The following TMEM132C variants were observed in gnomAD, a reference collection of about 807,000 sequenced individuals.
The protein encoded by TMEM132C is protein phosphatase 1, regulatory subunit 152.
Under a neutral mutation model 61.4 loss-of-function variants are expected in TMEM132C, and 29 were observed. That is an observed-to-expected ratio of 0.47 (90% CI 0.35 to 0.64). The LOEUF is 0.64. Ranked by LOEUF, TMEM132C falls within the 30% of genes least tolerant of loss-of-function variation. TMEM132C has a pLI of 0.00. For synonymous variants in TMEM132C, 656 were observed against 633.1 expected (o/e 1.04, Z -0.54); for missense variants, 1,408 against 1,476.9 (o/e 0.95, Z 0.76).
chr12:128,323,468 T>C (rs1299955460), intron 1 of TMEM132C, among the ~76,000 whole-genome samples: 1 of 152,254 alleles, frequency 6.6e-6, no homozygotes, highest in Non-Finnish European at 1.5e-5. Flanking sequence ...TCGTCTTCTC[T>C]TCATAGCCTT....
Position 128,623,617 on chromosome 12 carries a change from G to C in TMEM132C, c.1305+7282G>C, listed in dbSNP as rs11059796. On this transcript the variant is annotated intron_variant, in intron 4 of 8. Coordinates refer to ENST00000435159, the MANE Select transcript of TMEM132C (RefSeq NM_001136103.3). ...AGCTCAGGAGTTCGAAACCAGCCTG[G>C]GCAACATGGTGAAACCCCATCTCTA... 6.7e-3 allele frequency among the ~76,000 whole-genome samples: 1,025 copies of C among 151,878 alleles called. 14 individuals are homozygous for C. Among genetic ancestry groups the C allele is most frequent in the African/African-American group, 0.024 (976 of 41,390 alleles).
rs1478437634 is a variant in TMEM132C, at chr12:128,622,390, T to A, written c.1305+6055T>A. On this transcript the variant is annotated intron_variant, in intron 4 of 8. Coordinates refer to ENST00000435159, the MANE Select transcript of TMEM132C (RefSeq NM_001136103.3). ...ATATATATATATATATATATATATA[T>A]ATATATATATAACCAGGAAACATTC... 3.1e-3 allele frequency among the ~76,000 whole-genome samples: 347 copies of A among 112,168 alleles called. 9 individuals are homozygous for A. The highest frequency in any genetic ancestry group is 5.2e-3 in the Non-Finnish European group (295 of 56,194). 73.6% of individuals were successfully genotyped at this position (112,168 alleles called of 152,430 possible).
In TMEM132C at chr12:128,707,190, T is replaced by G. The variant is rs995911859; in HGVS notation, c.*895T>G. ...AGGGCAAAGCCAGCAGGTGTGGCCC[T>G]GTGAGGGGCTGTACAGACGGGATGT... On this transcript the variant is annotated 3_prime_UTR_variant, in exon 9 of 9. Coordinates refer to ENST00000435159, the MANE Select transcript of TMEM132C (RefSeq NM_001136103.3). 3.3e-5 allele frequency: 5 copies of G among 152,122 alleles called. No individual in the cohort carries two copies. Among genetic ancestry groups the G allele is most frequent in the Non-Finnish European group, 7.3e-5 (5 of 68,040 alleles). The allele number at this position is 152,122 out of a possible 1,614,324, so 9.4% of individuals were successfully genotyped here. A position where few individuals can be genotyped will look rare whatever the true frequency, so the allele number is the denominator to read the frequency against.
Position 128,490,014 on chromosome 12 carries a change from A to T in TMEM132C, c.975-53943A>T, listed in dbSNP as rs145374559. Among the ~76,000 whole-genome samples, 15 of 152,332 alleles carry T rather than the reference A, an allele frequency of 9.8e-5. No individual in the cohort carries two copies. The East Asian group carries it at 2.9e-3, about 29-fold the overall frequency. ...CTGAGAAGCCACAGGCTTAGAGTCT[A>T]GGCTGGACATTCACATTTCAGCCGT... is the stretch of plus-strand genomic sequence containing the variant. On this transcript the variant is annotated intron_variant, in intron 2 of 8. Coordinates refer to ENST00000435159, the MANE Select transcript of TMEM132C (RefSeq NM_001136103.3).
chr12:128,626,190 G>A (rs1324093339), intron 4 of TMEM132C, among the ~76,000 whole-genome samples: 69 of 150,128 alleles, frequency 4.6e-4, no homozygotes, highest in African/African-American at 1.5e-3. Context: ...GCAGTGGTGC[G>A]ATCTCGGTTC....
chr12:128,449,488 A>C (rs1026405487), intron 2 of TMEM132C, among the ~76,000 whole-genome samples: 3 of 152,230 alleles, frequency 2.0e-5, no homozygotes. Flanking sequence ...ACTTCTTATT[A>C]GTTCATGCTT....
intron 2 of TMEM132C, among the ~76,000 whole-genome samples, chr12:128,432,586 G>A (rs1471732136): frequency 6.6e-6 from 1 of 152,230 alleles, no homozygotes; most frequent in Non-Finnish European, 1.5e-5. Flanking sequence ...AGTGGAGCCT[G>A]AAGATGTGAC....
At position 128,647,737 on chromosome 12, in the gene TMEM132C, C is replaced by A. The variant is rs554054110; in HGVS notation, c.1306-21680C>A. 2.0e-5 allele frequency among the ~76,000 whole-genome samples: 3 copies of A among 150,022 alleles called. No homozygotes were observed. In the South Asian group the frequency reaches 6.3e-4, roughly 32 times the overall value. On this transcript the variant is annotated intron_variant, in intron 4 of 8. Coordinates refer to ENST00000435159, the MANE Select transcript of TMEM132C (RefSeq NM_001136103.3). ...TCAGTGTTGGATGTGAGTGTGTTCA[C>A]TAGATCCCATCAGCGTTGGATGTGA...
chr12:128,552,930 A>G (rs1874220298), intron 3 of TMEM132C, among the ~76,000 whole-genome samples: 1 of 152,170 alleles, frequency 6.6e-6, no homozygotes, highest in Non-Finnish European at 1.5e-5. Flanking sequence ...ACAAAAAAAA[A>G]GCATAAAAAT....
intron 4 of TMEM132C, among the ~76,000 whole-genome samples, chr12:128,645,514 A>AC (rs1293055793): frequency 1.3e-5 from 2 of 151,978 alleles, no homozygotes; most frequent in East Asian, 3.9e-4. Context: ...CTATGGTCAC[A>AC]CCCCCAAATC....
chr12:128,593,679 C>T (rs1875841284), intron 3 of TMEM132C, among the ~76,000 whole-genome samples: 2 of 152,270 alleles, frequency 1.3e-5, no homozygotes, highest in South Asian at 2.1e-4. Context: ...GAGGCACATT[C>T]GACACCCAGC....
intron 1 of TMEM132C, among the ~76,000 whole-genome samples, chr12:128,383,868 G>A (rs1011127782): frequency 3.9e-5 from 6 of 152,300 alleles, no homozygotes; most frequent in South Asian, 2.1e-4. Context: ...TTACTGAGCA[G>A]TCCTTCCATA....
intron 5 of TMEM132C, among the ~76,000 whole-genome samples, chr12:128,681,613 G>A (rs1484930919): frequency 6.7e-6 from 1 of 150,012 alleles, no homozygotes; most frequent in East Asian, 2.0e-4. Flanking sequence ...CTGACAAGTT[G>A]TCCTGTCCTA....
intron 1 of TMEM132C, among the ~76,000 whole-genome samples, chr12:128,337,263 A>AG (rs1872814777): frequency 6.6e-6 from 1 of 152,084 alleles, no homozygotes; most frequent in Non-Finnish European, 1.5e-5. Flanking sequence ...ATTATATTCA[A>AG]TGGGGGAATG....
chr12:128,315,008 T>G (rs141020307), intron 1 of TMEM132C, among the ~76,000 whole-genome samples: 196 of 152,226 alleles, frequency 1.3e-3, no homozygotes, highest in African/African-American at 4.6e-3. Flanking sequence ...TTCAAAAGGA[T>G]TATTGAAAAA....
chr12:128,592,045 CAAAAAAAAAAAAAGAA>C (rs935888498), intron 3 of TMEM132C, among the ~76,000 whole-genome samples: 3 of 50,960 alleles, frequency 5.9e-5, no homozygotes, highest in African/African-American at 2.5e-4. Flanking sequence ...GAGTGAGACT[CAAAAAAAAAAAAAGAA>C]AAAAAAAAAA....
intron 1 of TMEM132C, among the ~76,000 whole-genome samples, chr12:128,398,700 G>A (rs1003808133): frequency 1.3e-5 from 2 of 152,122 alleles, no homozygotes; most frequent in African/African-American, 4.8e-5. Flanking sequence ...CTCTTTATGT[G>A]AAAATTAGGG....
chr12:128,495,810 T>TTAAA (rs1871931211), intron 2 of TMEM132C, among the ~76,000 whole-genome samples: 1 of 152,158 alleles, frequency 6.6e-6, no homozygotes. Context: ...TGTCTTTTAA[T>TTAAA]TGGAGCATTT....
chr12:128,652,268 C>T (rs977604248), intron 4 of TMEM132C, among the ~76,000 whole-genome samples: 4 of 152,154 alleles, frequency 2.6e-5, no homozygotes, highest in African/African-American at 4.8e-5. Context: ...GGCTGTGGGG[C>T]GGGGTCGGTG....
Sources: gnomAD v4.1 joint callset for allele counts (sites outside exome capture counted in the v4.1 genomes callset) on GRCh38, gnomAD v4.1.1 for gene constraint, MANE v1.5 for transcripts, NCBI Gene and HGNC (gene_info 2026-07-23, HGNC 2026-07-21) for gene names.